The following TBCK variants were observed in gnomAD, a reference collection of about 807,000 sequenced individuals.
TBCK encodes the protein TBC1 domain containing kinase.
A neutral mutation model predicts 113.4 loss-of-function variants in TBCK; 99 were observed. The ratio of observed to expected loss-of-function variants is 0.87; its 90% CI spans 0.74 to 1.03. TBCK has a LOEUF of 1.03. Among genes scored for constraint, TBCK ranks in the 50% least tolerant of loss-of-function variants. The pLI is 0.00. For synonymous variants in TBCK, 369 were observed against 370.8 expected (o/e 1.00, Z 0.05); for missense variants, 1,045 against 1,061.3 (o/e 0.98, Z 0.21).
chr4:106,309,659 CCTT>C lies in TBCK; in HGVS notation c.-29-673_-29-671del, dbSNP rs749524491. Among the ~76,000 whole-genome samples, 9 of 152,200 alleles carry C rather than the reference CCTT, an allele frequency of 5.9e-5. No individual in the cohort carries two copies. In the East Asian group the frequency reaches 1.5e-3, roughly 26 times the overall value. On this transcript the variant is annotated intron_variant, in intron 1 of 25. Transcript: ENST00000394708. ...TAACCCACACACCACTGACAACCTT[CCTT>C]CTCATACAGTGAGGTAGGTCAGGAA... is the stretch of plus-strand genomic sequence containing the variant.
At chr4:106,070,564 C>T (rs886831507) in intron 25 of TBCK, among the ~76,000 whole-genome samples, 10 of 151,902 alleles carry the variant, frequency 6.6e-5, no homozygotes, top group African/African-American at 9.7e-5. Context: ...TGAGGATTTT[C>T]GCATGGGTGT....
intron 23 of TBCK, among the ~76,000 whole-genome samples, chr4:106,124,406 C>G (rs1417664456): frequency 6.6e-6 from 1 of 152,192 alleles, no homozygotes; most frequent in Admixed American, 6.5e-5. Context: ...GTTGGTGGAA[C>G]TGTAAACTAG....
chr4:106,165,217 TCTTTA>T (rs1750231803), intron 23 of TBCK, among the ~76,000 whole-genome samples: 1 of 151,912 alleles, frequency 6.6e-6, no homozygotes, highest in African/African-American at 2.4e-5. Flanking sequence ...AGATTACATA[TCTTTA>T]CTTATTATTT....
At chr4:106,143,913 T>TAA (rs561608123) in intron 23 of TBCK, among the ~76,000 whole-genome samples, 37 of 114,500 alleles carry the variant, frequency 3.2e-4, no homozygotes, top group Admixed American at 1.2e-3. Context: ...AAACTCTGTC[T>TAA]AAAAAAAAAA....
At chr4:106,227,792 A>G (rs939472118) in intron 19 of TBCK, among the ~76,000 whole-genome samples, 7 of 152,028 alleles carry the variant, frequency 4.6e-5, no homozygotes, top group South Asian at 2.1e-4. Flanking sequence ...CAGAAAAACT[A>G]TAAGAAAATT....
chr4:106,094,421 A>G (rs140295010), intron 25 of TBCK, among the ~76,000 whole-genome samples: 294 of 152,206 alleles, frequency 1.9e-3, no homozygotes, highest in Admixed American at 4.3e-3. Context: ...TGGTCTCTCT[A>G]TATTTTCCAA....
chr4:106,122,309 C>T (rs1175310144), intron 23 of TBCK, among the ~76,000 whole-genome samples: 4 of 152,110 alleles, frequency 2.6e-5, no homozygotes, highest in Admixed American at 2.6e-4. Flanking sequence ...CATACACTCT[C>T]CCAAGACTAA....
chr4:106,199,361 C>T lies in TBCK; in HGVS notation c.1861-4607G>A, dbSNP rs539252934. On this transcript the variant is annotated intron_variant, in intron 20 of 25. Coordinates refer to ENST00000394708, the MANE Select transcript of TBCK (RefSeq NM_001163435.3). ...AGTTTTGTTCTTATCTTTCTGATTG[C>T]TCCTTATCCATCTCCTTTGTTGGTT... is the stretch of plus-strand genomic sequence containing the variant. Among the ~76,000 whole-genome samples the T allele has an allele frequency of 2.6e-5, 4 of 152,200 alleles. No homozygotes were observed. In the East Asian group the frequency reaches 7.7e-4, roughly 29 times the overall value.
intron 25 of TBCK, among the ~76,000 whole-genome samples, chr4:106,079,263 C>G (rs1209371150): frequency 6.6e-6 from 1 of 152,118 alleles, no homozygotes; most frequent in East Asian, 1.9e-4. Flanking sequence ...AAAACTGGAA[C>G]AAGACAAGGA....
chr4:106,103,637 G>A (rs767671246), intron 24 of TBCK, among the ~76,000 whole-genome samples: 6 of 152,184 alleles, frequency 3.9e-5, no homozygotes, highest in Non-Finnish European at 8.8e-5. Context: ...CTAGCACCAT[G>A]CTTGGTACAG....
intron 22 of TBCK, among the ~76,000 whole-genome samples, chr4:106,185,865 G>C (rs1037289216): frequency 6.6e-6 from 1 of 151,878 alleles, no homozygotes. Context: ...GTATTTTTTC[G>C]ATCTTCTTCC....
At chr4:106,263,736 T>G (rs904738376) in intron 3 of TBCK, among the ~76,000 whole-genome samples, 2 of 151,882 alleles carry the variant, frequency 1.3e-5, no homozygotes, top group Non-Finnish European at 2.9e-5. Flanking sequence ...TGATTCTCTC[T>G]CCGAAATTAA....
intron 23 of TBCK, among the ~76,000 whole-genome samples, chr4:106,145,194 T>G (rs1171145680): frequency 5.3e-5 from 8 of 151,924 alleles, no homozygotes; most frequent in African/African-American, 1.4e-4. Flanking sequence ...CGCGTGAGCC[T>G]GTAGTCCCAG....
chr4:106,218,281 G>C lies in TBCK; in HGVS notation c.1775-5446C>G, dbSNP rs1440811885. Among the ~76,000 whole-genome samples, 5 of 150,616 alleles carry C rather than the reference G, an allele frequency of 3.3e-5. No homozygotes were observed. In the East Asian group the frequency reaches 9.9e-4, roughly 30 times the overall value. On this transcript the variant is annotated intron_variant, in intron 19 of 25. Coordinates refer to ENST00000394708, the MANE Select transcript of TBCK (RefSeq NM_001163435.3). ...CATAAAAACCCTAGAAGAAAACCTAGGCAATACCATTCAGGACATACGCAT... is the reference window on the plus strand; with the variant it reads ...CATAAAAACCCTAGAAGAAAACCTACGCAATACCATTCAGGACATACGCAT...
At chr4:106,298,737 A>G (rs1349914323) in intron 2 of TBCK, among the ~76,000 whole-genome samples, 1 of 152,238 alleles carries the variant, frequency 6.6e-6, no homozygotes. Context: ...CTATTCGTGA[A>G]ATTGTGAAGA....
intron 23 of TBCK, among the ~76,000 whole-genome samples, chr4:106,122,115 G>T (rs1386985559): frequency 6.6e-6 from 1 of 151,910 alleles, no homozygotes; most frequent in Non-Finnish European, 1.5e-5. Context: ...CAACAAAATT[G>T]ATAGACCGCT....
intron 23 of TBCK, among the ~76,000 whole-genome samples, chr4:106,118,842 A>G (rs151319847): frequency 1.4e-4 from 21 of 152,340 alleles, no homozygotes; most frequent in Non-Finnish European, 3.1e-4. Flanking sequence ...TTTTCAAAGG[A>G]AAGAGTATTG....
chr4:106,147,656 AATCCTGTC>A (rs1441393673), intron 23 of TBCK, among the ~76,000 whole-genome samples: 2 of 152,044 alleles, frequency 1.3e-5, no homozygotes, highest in Non-Finnish European at 2.9e-5. Flanking sequence ...TTAATCTCTT[AATCCTGTC>A]ATCTCATAAG....
At chr4:106,295,700 A>G (rs1766223517) in intron 2 of TBCK, among the ~76,000 whole-genome samples, 1 of 152,082 alleles carries the variant, frequency 6.6e-6, no homozygotes, top group African/African-American at 2.4e-5. Context: ...AAAGGTGCCA[A>G]CCCCCTAAAT....
Sources: gnomAD v4.1 joint callset for allele counts (sites outside exome capture counted in the v4.1 genomes callset) on GRCh38, gnomAD v4.1.1 for gene constraint, MANE v1.5 for transcripts, NCBI Gene and HGNC (gene_info 2026-07-23, HGNC 2026-07-21) for gene names.